Variants in MRPL40 observed in about 807,000 individuals in gnomAD.
The protein encoded by MRPL40 is large ribosomal subunit protein mL40.
A neutral mutation model predicts 24.5 loss-of-function variants in MRPL40; 18 were observed. The observed-to-expected ratio is 0.73, with a 90% confidence interval of 0.51 to 1.09. MRPL40 has a LOEUF of 1.09. Among genes scored for constraint, MRPL40 ranks in the 50% least tolerant of loss-of-function variants. The pLI is 0.00. For synonymous variants in MRPL40, 108 were observed against 94.6 expected, an observed-to-expected ratio of 1.14 and a Z score of -0.82; for missense variants, 256 against 243.8, an observed-to-expected ratio of 1.05 and a Z score of -0.33.
intron 1 of MRPL40, 170 bp downstream of exon 1, chr22:19,432,777 G>T: frequency 7.2e-7 from 1 of 1,389,828 alleles, no homozygotes; most frequent in South Asian, 1.6e-5. Flanking sequence ...GCACCCTGGC[G>T]AGCAGCGGTC....
chr22:19,434,409 G>T (rs548643605), intron 2 of MRPL40, among the ~76,000 whole-genome samples: 25 of 151,896 alleles, frequency 1.6e-4, no homozygotes, highest in African/African-American at 6.0e-4. Flanking sequence ...TTTTAGTAGA[G>T]ACAGGGTTTC....
rs191029282 is a variant in MRPL40 at position 19,434,628 on chromosome 22, A to G, written c.138-108A>G. The G allele has an allele frequency of 6.9e-6, 6 of 863,584 alleles. No individual in the cohort carries two copies. The Admixed American group carries it at 1.8e-4, about 25-fold the overall frequency. The allele number at this position is 863,584 out of a possible 1,614,324, so 53.5% of individuals were successfully genotyped here. A position where few individuals can be genotyped will look rare whatever the true frequency, so the allele number is the denominator to read the frequency against. ...CTGAGCTCATGAGTTAGTCATGCAC[A>G]GCTCCTTCCCCCAGTGGAGAGGTCA... is the stretch of plus-strand genomic sequence containing the variant. On this transcript the variant is annotated intron_variant, in intron 2 of 3. Coordinates refer to ENST00000333130, the MANE Select transcript of MRPL40 (RefSeq NM_003776.4).
In MRPL40 at chr22:19,435,980, C is replaced by T; in HGVS notation, c.*18C>T. 4 of 1,587,084 alleles carry T rather than the reference C, an allele frequency of 2.5e-6. No homozygotes were observed. The highest frequency in any genetic ancestry group is 3.4e-6 in the Non-Finnish European group (4 of 1,159,932). On this transcript the variant is annotated 3_prime_UTR_variant, in exon 4 of 4. Transcript: ENST00000333130. Reference sequence around the variant, plus strand: ...AGAGATAGACTTGCAGGCTGCTATCCTTAACATGCTGCCCCTGAGAGTAGG... The same window carrying T: ...AGAGATAGACTTGCAGGCTGCTATCTTTAACATGCTGCCCCTGAGAGTAGG...
chr22:19,432,828 A>G, intron 1 of MRPL40: 1 of 1,351,302 alleles, frequency 7.4e-7, no homozygotes, highest in Non-Finnish European at 9.5e-7. Flanking sequence ...GATTTTGAAA[A>G]ACCTTCCACG....
intron 2 of MRPL40, among the ~76,000 whole-genome samples, chr22:19,433,994 TC>T (rs1420770129): frequency 6.6e-6 from 1 of 152,048 alleles, no homozygotes; most frequent in Non-Finnish European, 1.5e-5. Context: ...GGTCTCGAAC[TC>T]CTGATCTCAG....
chr22:19,432,633 C>T, intron 1 of MRPL40, 26 bp downstream of exon 1: 1 of 1,542,336 alleles, frequency 6.5e-7, no homozygotes. Flanking sequence ...GGCCGGATAG[C>T]GGAGTGCCCA....
At chr22:19,432,824 G>T in intron 1 of MRPL40, 1 of 1,355,004 alleles carries the variant, frequency 7.4e-7, no homozygotes. Context: ...GAAAGATTTT[G>T]AAAAACCTTC....
At chr22:19,432,813 C>G in intron 1 of MRPL40, 5 of 1,357,676 alleles carry the variant, frequency 3.7e-6, no homozygotes, top group Admixed American at 7.2e-5. Context: ...GTGGTCTGAA[C>G]GAAAGATTTT....
chr22:19,434,190 C>A (rs2089570819), intron 2 of MRPL40, among the ~76,000 whole-genome samples: 1 of 151,024 alleles, frequency 6.6e-6, no homozygotes, highest in African/African-American at 2.4e-5. Flanking sequence ...CGATTTTATA[C>A]CCTGATGCCT....
rs1347850916 is a variant in MRPL40 at position 19,433,161 on chromosome 22, G to GCGATCCACCCGCCTCGGCCTCC, written c.54-102_54-81dup. On this transcript the variant is annotated intron_variant, in intron 1 of 3. Transcript: ENST00000333130. ...AGGCTGGTCTTGAACTCCTGACCTC[G>GCGATCCACCCGCCTCGGCCTCC]CGATCCACCCGCCTCGGCCTCCCAA... 5.6e-6 allele frequency: 4 copies of GCGATCCACCCGCCTCGGCCTCC among 710,578 alleles called. No individual in the cohort carries two copies. The East Asian group carries it at 1.2e-4, about 22-fold the overall frequency. 44.0% of individuals were successfully genotyped at this position (710,578 alleles called of 1,614,324 possible). A position where few individuals can be genotyped will look rare whatever the true frequency, so the allele number is the denominator to read the frequency against.
At chr22:19,435,599 AC>A (rs2089581703) in intron 3 of MRPL40, 38 bp from the exon 4 acceptor site, 1 of 1,553,926 alleles carries the variant, frequency 6.4e-7, no homozygotes. Context: ...TCACAGACTT[AC>A]ATGCCAGTGA....
rs748621774 is a variant in MRPL40 at position 19,435,628 on chromosome 22, T to A, written c.297-10T>A. On this transcript the variant is annotated splice_polypyrimidine_tract_variant and intron_variant, in intron 3 of 3. Transcript: ENST00000333130. ...GCCAGTGAGATTGGTAACCCTTAGC[T>A]TCTTTGCAGAGAGCGGCCTCAGGTG... 6.2e-7 allele frequency: 1 copy of A among 1,604,590 alleles called. No individual in the cohort carries two copies. Among genetic ancestry groups the A allele is most frequent in the Non-Finnish European group, 8.5e-7 (1 of 1,174,678 alleles).
rs1366194667 is a variant in MRPL40 at position 19,435,954 on chromosome 22, A to G, written c.613A>G (p.Lys205Glu). 2 of 1,612,404 alleles carry G rather than the reference A, an allele frequency of 1.2e-6. No homozygotes were observed. Among genetic ancestry groups the G allele is most frequent in the Admixed American group, 3.3e-5 (2 of 59,952 alleles). ...CAAGGTGTACACACAAGTGGAGTTT[A>G]AGAGATAGACTTGCAGGCTGCTATC... ...ITKVYTQVEF[K>E]R The change falls in exon 4 of 4, where the codon AAG becomes GAG. Residue 205 changes from lysine (K) to glutamate (E), a missense_variant. Physicochemically the swap from Lys to Glu is moderately conservative, Grantham distance 56 (BLOSUM62 1). Transcript: ENST00000333130.
chr22:19,432,572 G>C lies in MRPL40; in HGVS notation c.18G>C (p.Leu6=). 1 of 1,553,138 alleles carries C rather than the reference G, an allele frequency of 6.4e-7. No individual in the cohort carries two copies. Among genetic ancestry groups the C allele is most frequent in the South Asian group, 1.2e-5 (1 of 83,994 alleles). The change falls in exon 1 of 4, where the codon CTG becomes CTC. Residue 6 remains leucine, a synonymous_variant. Transcript: ENST00000333130. ...GGGTAGCCATGACGGCCTCCGTGCT[G>C]CGAAGTATCTCGCTAGCCCTGCGCC... MTASV[L]RSISLALRPT...
At chr22:19,434,328 T>C (rs2089572568) in intron 2 of MRPL40, among the ~76,000 whole-genome samples, 2 of 151,170 alleles carry the variant, frequency 1.3e-5, no homozygotes, top group South Asian at 4.2e-4. Context: ...GCTCAAGTGA[T>C]TCTCCTGCCT....
intron 2 of MRPL40, 28 bp downstream of exon 2, chr22:19,433,376 T>C: frequency 3.5e-6 from 5 of 1,409,402 alleles, no homozygotes; most frequent in Non-Finnish European, 5.0e-6. Flanking sequence ...GCCTGACCTC[T>C]GGGGGTAAAG....
Position 19,434,849 on chromosome 22 carries a change from C to G in MRPL40, c.251C>G (p.Pro84Arg). Residue 84 changes from proline to arginine, a missense_variant, in exon 3 of 4, where the codon CCT becomes CGT. Coordinates refer to ENST00000333130, the MANE Select transcript of MRPL40 (RefSeq NM_003776.4). ...GAAAAGGCTACTCAAGAGCTAATTC[C>G]TATTGAAGATTTTATTACCCCTCTA... The part of the protein sequence containing the change: ...KLEKATQELI[P>R]IEDFITPLKF... 1 of 1,607,808 alleles carries G rather than the reference C, an allele frequency of 6.2e-7. No individual in the cohort carries two copies. The highest frequency in any genetic ancestry group is 8.5e-7 in the Non-Finnish European group (1 of 1,178,544).
chr22:19,435,550 G>C, intron 3 of MRPL40, 88 bp from the exon 4 acceptor site: 2 of 1,257,668 alleles, frequency 1.6e-6, no homozygotes, highest in Non-Finnish European at 2.2e-6. Context: ...CCTAAGTCCT[G>C]TCTGTGTCTG....
intron 3 of MRPL40, among the ~76,000 whole-genome samples, 160 bp downstream of exon 3, chr22:19,435,054 C>A (rs1173373613): frequency 6.6e-6 from 1 of 152,166 alleles, no homozygotes; most frequent in African/African-American, 2.4e-5. Flanking sequence ...CAGGAGAAAG[C>A]ATCCTTGGGT....
Sources: gnomAD v4.1 joint callset for allele counts (sites outside exome capture counted in the v4.1 genomes callset) on GRCh38, gnomAD v4.1.1 for gene constraint, MANE v1.5 for transcripts, NCBI Gene and HGNC (gene_info 2026-07-23, HGNC 2026-07-21) for gene names.